The following EPHB1 variants were observed in gnomAD, a reference collection of about 807,000 sequenced individuals.
The protein encoded by EPHB1 is ephrin type-B receptor 1.
A neutral mutation model predicts 94.4 loss-of-function variants in EPHB1; 30 were observed. The observed-to-expected ratio is 0.32, with a 90% CI of 0.24 to 0.43. EPHB1 has a LOEUF of 0.43. Ranked by LOEUF, EPHB1 falls within the 20% of genes least tolerant of loss-of-function variation. EPHB1 has a pLI of 1.00. For missense variants in EPHB1, 1,055 were observed against 1,308.3 expected (o/e 0.81, Z 2.99); for synonymous variants, 522 against 489.1 (o/e 1.07, Z -0.89).
intron 1 of EPHB1, among the ~76,000 whole-genome samples, chr3:134,905,051 T>C (rs1331516577): frequency 6.6e-6 from 1 of 152,208 alleles, no homozygotes; most frequent in Non-Finnish European, 1.5e-5. Context: ...TCCACAGCAC[T>C]GGTCACCATG....
chr3:135,059,922 C>A (rs530728591), intron 3 of EPHB1, among the ~76,000 whole-genome samples: 3 of 152,274 alleles, frequency 2.0e-5, no homozygotes, highest in Admixed American at 2.0e-4. Flanking sequence ...AGATACAGTG[C>A]CTGCAGGAGC....
chr3:135,049,711 T>C (rs1937111184), intron 3 of EPHB1, among the ~76,000 whole-genome samples: 1 of 152,222 alleles, frequency 6.6e-6, no homozygotes, highest in African/African-American at 2.4e-5. Flanking sequence ...TCAGGTACTT[T>C]GGGGACCAGG....
At chr3:135,231,174 G>A (rs758726673) in intron 12 of EPHB1, among the ~76,000 whole-genome samples, 15 of 152,078 alleles carry the variant, frequency 9.9e-5, no homozygotes, top group Non-Finnish European at 1.5e-4. Context: ...ATGAATGAAG[G>A]CAGCTAGTTA....
intron 12 of EPHB1, among the ~76,000 whole-genome samples, chr3:135,234,968 A>C (rs1394706023): frequency 1.3e-5 from 2 of 152,140 alleles, no homozygotes; most frequent in Non-Finnish European, 2.9e-5. Flanking sequence ...CTACTTCCTC[A>C]CCCAAGGAAG....
At chr3:135,160,473 C>G (rs1941475516) in intron 6 of EPHB1, among the ~76,000 whole-genome samples, 1 of 152,096 alleles carries the variant, frequency 6.6e-6, no homozygotes, top group Non-Finnish European at 1.5e-5. Context: ...CTTCTTGAAC[C>G]ATTGTGCCTA....
At chr3:134,931,098 C>G (rs2107704694) in intron 2 of EPHB1, among the ~76,000 whole-genome samples, 1 of 152,352 alleles carries the variant, frequency 6.6e-6, no homozygotes, top group South Asian at 2.1e-4. Context: ...TTTAGGTTTA[C>G]TGTAACCCAA....
At chr3:134,931,249 A>C (rs940235998) in intron 2 of EPHB1, among the ~76,000 whole-genome samples, 2 of 152,258 alleles carry the variant, frequency 1.3e-5, no homozygotes, top group Non-Finnish European at 2.9e-5. Context: ...AGGCAGAAGA[A>C]AGTCCCTGTT....
chr3:134,842,648 T>G (rs1205448988), intron 1 of EPHB1, among the ~76,000 whole-genome samples: 2 of 152,232 alleles, frequency 1.3e-5, no homozygotes, highest in African/African-American at 2.4e-5. Flanking sequence ...TTTCTAACCT[T>G]TTCTATCACC....
At position 134,888,686 on chromosome 3, in the gene EPHB1, G is replaced by A. The variant is rs986430983; in HGVS notation, c.59-37130G>A. Among the ~76,000 whole-genome samples, 12 of 136,392 alleles carry A rather than the reference G, an allele frequency of 8.8e-5. No homozygotes were observed. In the South Asian group the frequency reaches 9.3e-4, roughly 11 times the overall value. 89.5% of individuals were successfully genotyped at this position (136,392 alleles called of 152,430 possible). A position where few individuals can be genotyped will look rare whatever the true frequency, so the allele number is the denominator to read the frequency against. ...TCACGCCACTGCACTCCAGCCTGGC[G>A]ACAGAGTGAGACTCCATCTCAAAAA... On this transcript the variant is annotated intron_variant, in intron 1 of 15. Coordinates refer to ENST00000398015, the MANE Select transcript of EPHB1 (RefSeq NM_004441.5).
chr3:135,013,117 A>T (rs1234741197), intron 3 of EPHB1, among the ~76,000 whole-genome samples: 1 of 152,170 alleles, frequency 6.6e-6, no homozygotes, highest in African/African-American at 2.4e-5. Context: ...GAATGGGCCA[A>T]ACGGGATGGG....
intron 3 of EPHB1, among the ~76,000 whole-genome samples, chr3:135,064,841 G>A (rs1937560733): frequency 6.6e-6 from 1 of 151,998 alleles, no homozygotes. Context: ...TAGGTATTTA[G>A]GGCTATGAAC....
chr3:135,110,129 A>G (rs963443345), intron 4 of EPHB1, among the ~76,000 whole-genome samples: 1 of 152,206 alleles, frequency 6.6e-6, no homozygotes, highest in African/African-American at 2.4e-5. Flanking sequence ...CCTGTGAAAA[A>G]CTATACAGAA....
In EPHB1 at chr3:134,843,850, C is replaced by A. The variant is rs192158188; in HGVS notation, c.58+48161C>A. 2.7e-3 allele frequency among the ~76,000 whole-genome samples: 418 copies of A among 152,284 alleles called. 2 individuals are homozygous for A. Among genetic ancestry groups the A allele is most frequent in the Non-Finnish European group, 4.4e-3 (299 of 68,024 alleles). On this transcript the variant is annotated intron_variant, in intron 1 of 15. Coordinates refer to ENST00000398015, the MANE Select transcript of EPHB1 (RefSeq NM_004441.5). ...AGGTTTTTGAGCATATTTATAAGAGCTACTTTGAAGTTTTTGTCTGCTGTA... is the reference window on the plus strand; with the variant it reads ...AGGTTTTTGAGCATATTTATAAGAGATACTTTGAAGTTTTTGTCTGCTGTA...
Position 134,916,322 on chromosome 3 carries a change from T to C in EPHB1, c.59-9494T>C, listed in dbSNP as rs977969868. ...GTGGATCCCACACGAGGGCCACAGG[T>C]GGAGCTGCCTGCCAGTCCCGCGCTG... On this transcript the variant is annotated intron_variant, in intron 1 of 15. Transcript: ENST00000398015. Among the ~76,000 whole-genome samples, 220 of 152,302 alleles carry C rather than the reference T, an allele frequency of 1.4e-3. 1 individual carries two copies. Among genetic ancestry groups the C allele is most frequent in the African/African-American group, 5.2e-3 (216 of 41,566 alleles).
intron 1 of EPHB1, among the ~76,000 whole-genome samples, chr3:134,800,795 T>G (rs2035921252): frequency 6.6e-6 from 1 of 152,252 alleles, no homozygotes; most frequent in Admixed American, 6.5e-5. Flanking sequence ...TGATGAGATC[T>G]AATTCACTTA....
intron 15 of EPHB1, among the ~76,000 whole-genome samples, chr3:135,250,994 C>G (rs1160152242): frequency 6.6e-6 from 1 of 152,000 alleles, no homozygotes; most frequent in Non-Finnish European, 1.5e-5. Context: ...AGCTTCCTGA[C>G]ATTCCAACAG....
chr3:135,055,928 A>G, intron 3 of EPHB1, among the ~76,000 whole-genome samples: 1 of 152,142 alleles, frequency 6.6e-6, no homozygotes, highest in East Asian at 1.9e-4. Context: ...ACAGGGAAGC[A>G]GGAAACACAA....
chr3:135,121,471 G>T (rs1195906677), intron 4 of EPHB1, among the ~76,000 whole-genome samples: 2 of 152,202 alleles, frequency 1.3e-5, no homozygotes, highest in Non-Finnish European at 2.9e-5. Flanking sequence ...TTCCTCTGTT[G>T]TGCCAAAGAC....
intron 12 of EPHB1, among the ~76,000 whole-genome samples, chr3:135,202,594 CCTGT>C (rs1388447193): frequency 6.6e-6 from 1 of 152,184 alleles, no homozygotes; most frequent in Non-Finnish European, 1.5e-5. Context: ...TACCTACTAA[CCTGT>C]CTATCTGTCT....
Sources: allele counts gnomAD v4.1 joint callset (sites outside exome capture counted in the v4.1 genomes callset), GRCh38; gene constraint gnomAD v4.1.1; transcripts MANE v1.5; gene names NCBI Gene and HGNC (gene_info 2026-07-23, HGNC 2026-07-21).